C9orf85: variants seen among roughly 807,000 people sequenced by gnomAD.
C9orf85 encodes the protein uncharacterized protein C9orf85.
In C9orf85, 16 loss-of-function variants were observed where a neutral mutation model predicts 14.9. The ratio of observed to expected loss-of-function variants is 1.08; its 90% CI spans 0.73 to 1.63. The LOEUF is 1.63. Ranked by LOEUF, C9orf85 falls within the 40% of genes most tolerant of loss-of-function variation. C9orf85 has a pLI of 0.00. For missense variants in C9orf85, 172 were observed against 186.1 expected, an observed-to-expected ratio of 0.92 and a Z score of 0.44; for synonymous variants, 45 against 56.8, an observed-to-expected ratio of 0.79 and a Z score of 0.93.
In C9orf85 at chr9:71,972,573, A is replaced by C. The variant is rs747225446; in HGVS notation, c.324-119A>C. ...CACTCCCAGGTGGATCTTTTTCTTT[A>C]TACTTACTTCATTAGGTTTCTGTTA... is the stretch of plus-strand genomic sequence containing the variant. On this transcript the variant is annotated intron_variant, in intron 3 of 3. Transcript: ENST00000334731. 7.3e-6 allele frequency: 5 copies of C among 682,714 alleles called. No homozygotes were observed. In the Admixed American group the frequency reaches 1.4e-4, roughly 20 times the overall value. 42.3% of individuals were successfully genotyped at this position (682,714 alleles called of 1,614,324 possible). A position where few individuals can be genotyped will look rare whatever the true frequency, so the allele number is the denominator to read the frequency against.
At chr9:71,935,872 G>A (rs1468802367) in intron 1 of C9orf85, among the ~76,000 whole-genome samples, 1 of 146,020 alleles carries the variant, frequency 6.8e-6, no homozygotes, top group Non-Finnish European at 1.5e-5. Context: ...CGTTAAGTTG[G>A]TAAATTTTAT....
intron 1 of C9orf85, among the ~76,000 whole-genome samples, chr9:71,917,730 A>G (rs558093531): frequency 1.7e-3 from 258 of 152,238 alleles, no homozygotes; most frequent in Non-Finnish European, 3.3e-3. Context: ...TTCCATCTAT[A>G]GAGACCAGAA....
At chr9:71,956,560 T>TA (rs1032377813) in intron 2 of C9orf85, among the ~76,000 whole-genome samples, 4 of 152,168 alleles carry the variant, frequency 2.6e-5, no homozygotes, top group Non-Finnish European at 5.9e-5. Flanking sequence ...ACAAAAGCTT[T>TA]ATATTTTATA....
At chr9:71,963,822 C>G (rs965783431) in intron 2 of C9orf85, among the ~76,000 whole-genome samples, 5 of 152,204 alleles carry the variant, frequency 3.3e-5, no homozygotes, top group African/African-American at 1.2e-4. Context: ...GGGCCTCCCA[C>G]CCCTCCCTGG....
At chr9:71,974,551 G>A (rs1053359159), downstream of C9orf85, among the ~76,000 whole-genome samples, 1 of 151,988 alleles carries the variant, frequency 6.6e-6, no homozygotes, top group African/African-American at 2.4e-5. Context: ...CCCATAGTTT[G>A]TTTTTTCTAA....
At chr9:71,940,450 A>G (rs1318715149) in intron 1 of C9orf85, among the ~76,000 whole-genome samples, 4 of 152,144 alleles carry the variant, frequency 2.6e-5, no homozygotes, top group African/African-American at 9.7e-5. Context: ...AAACAAACAA[A>G]CAAAAAACCC....
In C9orf85 at chr9:71,911,687, C is replaced by G. The variant is rs753078098; in HGVS notation, c.-48C>G. The G allele has an allele frequency of 6.5e-7, 1 of 1,526,760 alleles. No homozygotes were observed. Among genetic ancestry groups the G allele is most frequent in the Non-Finnish European group, 9.1e-7 (1 of 1,100,588 alleles). The allele number at this position is 1,526,760 out of a possible 1,614,324, so 94.6% of individuals were successfully genotyped here. A position where few individuals can be genotyped will look rare whatever the true frequency, so the allele number is the denominator to read the frequency against. On this transcript the variant is annotated 5_prime_UTR_variant, in exon 1 of 4. Coordinates refer to ENST00000334731, the MANE Select transcript of C9orf85 (RefSeq NM_182505.5). ...GGAGTAGTTCGTTGGTTTTCTTTCC[C>G]CTCATCCTTTTGCCTGCTCCCGGCG...
In C9orf85 at chr9:71,971,497, T is replaced by C; in HGVS notation, c.210-8T>C. On this transcript the variant is annotated splice_polypyrimidine_tract_variant and splice_region_variant and intron_variant, in intron 2 of 3. Transcript: ENST00000334731. ...ATAAATAAGTTAACATTTTATTTTT[T>C]ATTTTAGTGTTAAATGTTTACAAAA... 6.9e-7 allele frequency: 1 copy of C among 1,456,014 alleles called. No individual in the cohort carries two copies. Among genetic ancestry groups the C allele is most frequent in the Non-Finnish European group, 9.4e-7 (1 of 1,058,676 alleles). 90.2% of individuals were successfully genotyped at this position (1,456,014 alleles called of 1,614,324 possible).
chr9:71,930,803 C>CAAAAAAAAAAAA (rs747596247), intron 1 of C9orf85, among the ~76,000 whole-genome samples: 8 of 61,030 alleles, frequency 1.3e-4, no homozygotes, highest in Non-Finnish European at 1.2e-4. Flanking sequence ...GACCCTGTCT[C>CAAAAAAAAAAAA]AAAAAAAAAA....
chr9:71,951,042 T>C (rs1822231773), intron 2 of C9orf85, among the ~76,000 whole-genome samples: 1 of 152,154 alleles, frequency 6.6e-6, no homozygotes, highest in African/African-American at 2.4e-5. Flanking sequence ...CTTACCTGTT[T>C]CAACCATGGG....
intron 1 of C9orf85, among the ~76,000 whole-genome samples, chr9:71,912,840 C>T (rs1259600815): frequency 6.6e-6 from 1 of 152,116 alleles, no homozygotes; most frequent in Non-Finnish European, 1.5e-5. Context: ...GCTGAGATCA[C>T]ATCACTGCAC....
chr9:71,969,017 G>A (rs1822782700), intron 2 of C9orf85, among the ~76,000 whole-genome samples: 1 of 152,158 alleles, frequency 6.6e-6, no homozygotes, highest in African/African-American at 2.4e-5. Context: ...CAGGTGACCA[G>A]GGGAACAGAT....
chr9:71,974,667 T>C (rs1203073670), downstream of C9orf85, among the ~76,000 whole-genome samples: 1 of 152,224 alleles, frequency 6.6e-6, no homozygotes, highest in Non-Finnish European at 1.5e-5. Context: ...CTGTTAGGTA[T>C]GTATCTAGCA....
intron 3 of C9orf85, among the ~76,000 whole-genome samples, chr9:71,982,272 T>TA (rs889609163): frequency 1.3e-5 from 2 of 152,078 alleles, no homozygotes; most frequent in African/African-American, 4.8e-5. Context: ...TGTATGGACA[T>TA]ACTAATTTTG....
At chr9:71,938,960 T>C (rs1386791087) in intron 1 of C9orf85, among the ~76,000 whole-genome samples, 1 of 151,716 alleles carries the variant, frequency 6.6e-6, no homozygotes, top group Non-Finnish European at 1.5e-5. Context: ...AAATGAATGT[T>C]ATAAAACAAC....
At chr9:71,938,165 G>T (rs913280229) in intron 1 of C9orf85, among the ~76,000 whole-genome samples, 1 of 151,984 alleles carries the variant, frequency 6.6e-6, no homozygotes, top group Non-Finnish European at 1.5e-5. Context: ...ATTTTAAAAG[G>T]GCTTATAGGT....
At chr9:71,961,752 C>T (rs1038430287) in intron 2 of C9orf85, among the ~76,000 whole-genome samples, 3 of 151,860 alleles carry the variant, frequency 2.0e-5, no homozygotes, top group Non-Finnish European at 2.9e-5. Context: ...GCTTTTATTA[C>T]TTCCTTCAAT....
chr9:71,936,799 T>A (rs982276607), intron 1 of C9orf85, among the ~76,000 whole-genome samples: 1 of 137,352 alleles, frequency 7.3e-6, no homozygotes, highest in African/African-American at 2.8e-5. Flanking sequence ...TGAGACAGGG[T>A]CTCACTCTGT....
rs149901433 is a variant in C9orf85 at position 71,947,448 on chromosome 9, A to C, written c.209+336A>C. On this transcript the variant is annotated intron_variant, in intron 2 of 3. Coordinates refer to ENST00000334731, the MANE Select transcript of C9orf85 (RefSeq NM_182505.5). ...TGATAAGGTAATACTATGCACCATAAATTATCAATTCTTAAAACGGATCAG... is the reference window on the plus strand; with the variant it reads ...TGATAAGGTAATACTATGCACCATACATTATCAATTCTTAAAACGGATCAG... 8.3e-4 allele frequency among the ~76,000 whole-genome samples: 126 copies of C among 152,304 alleles called. 2 individuals carry two copies. The highest frequency in any genetic ancestry group is 6.8e-3 in the Middle Eastern group (2 of 294).
Sources: gnomAD v4.1 joint callset for allele counts (sites outside exome capture counted in the v4.1 genomes callset) on GRCh38, gnomAD v4.1.1 for gene constraint, MANE v1.5 for transcripts, NCBI Gene and HGNC (gene_info 2026-07-23, HGNC 2026-07-21) for gene names.